The following ROBO1 variants were observed in gnomAD, a reference collection of about 807,000 sequenced individuals.
ROBO1 encodes the protein roundabout guidance receptor 1.
In ROBO1, 149 loss-of-function variants were observed where a neutral mutation model predicts 195.9. The observed-to-expected ratio is 0.76, with a 90% CI of 0.67 to 0.87. The LOEUF (loss-of-function observed/expected upper bound fraction) is 0.87, where lower values mean the gene tolerates loss of function less well. Among genes scored for constraint, ROBO1 ranks in the 40% least tolerant of loss-of-function variants. ROBO1 has a pLI of 0.00. For missense variants in ROBO1, 1,933 were observed against 2,068.3 expected (o/e 0.93, Z 1.27); for synonymous variants, 816 against 733.2 (o/e 1.11, Z -1.82).
chr3:78,751,047 G>A (rs1468312382), intron 4 of ROBO1, among the ~76,000 whole-genome samples: 1 of 152,120 alleles, frequency 6.6e-6, no homozygotes, highest in East Asian at 1.9e-4. Context: ...CAAAAGGCTT[G>A]ACTTATGGCG....
chr3:79,611,612 T>C (rs942718620), intron 1 of ROBO1, among the ~76,000 whole-genome samples: 1 of 152,108 alleles, frequency 6.6e-6, no homozygotes, highest in African/African-American at 2.4e-5. Flanking sequence ...CTGGAAACCA[T>C]CATTCTCAGC....
At chr3:79,293,070 T>C (rs1344257231) in intron 2 of ROBO1, among the ~76,000 whole-genome samples, 1 of 152,222 alleles carries the variant, frequency 6.6e-6, no homozygotes, top group Non-Finnish European at 1.5e-5. Flanking sequence ...TATTGGTCTA[T>C]TCAGGGATTC....
At chr3:78,725,096 A>T (rs2108139346) in intron 5 of ROBO1, among the ~76,000 whole-genome samples, 1 of 152,304 alleles carries the variant, frequency 6.6e-6, no homozygotes, top group South Asian at 2.1e-4. Flanking sequence ...CTATGTCAAA[A>T]ATTCAAGGCA....
At chr3:79,253,882 G>A (rs1297369186) in intron 2 of ROBO1, among the ~76,000 whole-genome samples, 1 of 152,180 alleles carries the variant, frequency 6.6e-6, no homozygotes, top group Non-Finnish European at 1.5e-5. Flanking sequence ...TTAAAGCAAA[G>A]TGTGACTGTA....
At chr3:78,775,825 G>A (rs1365301382) in intron 4 of ROBO1, among the ~76,000 whole-genome samples, 1 of 152,150 alleles carries the variant, frequency 6.6e-6, no homozygotes, top group Non-Finnish European at 1.5e-5. Context: ...TCTCCCAGTT[G>A]CCTTAGCTGT....
At chr3:78,673,566 A>ATT (rs1708206437) in intron 10 of ROBO1, among the ~76,000 whole-genome samples, 1 of 26,292 alleles carries the variant, frequency 3.8e-5, no homozygotes, top group Non-Finnish European at 6.7e-5. Context: ...TATATTTTAT[A>ATT]TATATATATA....
At chr3:79,743,211 C>T (rs779610273) in intron 1 of ROBO1, among the ~76,000 whole-genome samples, 45 of 152,112 alleles carry the variant, frequency 3.0e-4, no homozygotes, top group Non-Finnish European at 4.3e-4. Flanking sequence ...TATAGCCTAC[C>T]GCATAGCTGA....
chr3:79,679,911 T>C (rs1946893523), intron 1 of ROBO1, among the ~76,000 whole-genome samples: 2 of 152,086 alleles, frequency 1.3e-5, no homozygotes, highest in Non-Finnish European at 2.9e-5. Flanking sequence ...TCCAATGTTC[T>C]TGAGTTTAAT....
At chr3:78,751,445 G>A (rs890042739) in intron 4 of ROBO1, among the ~76,000 whole-genome samples, 1 of 152,058 alleles carries the variant, frequency 6.6e-6, no homozygotes. Context: ...TGAATGTATT[G>A]GTTTTGATTC....
chr3:78,917,589 A>G (rs180777544), intron 4 of ROBO1, among the ~76,000 whole-genome samples: 18 of 152,286 alleles, frequency 1.2e-4, no homozygotes, highest in African/African-American at 3.9e-4. Flanking sequence ...CTGAAATTCC[A>G]TCATGAATAA....
chr3:79,654,944 T>A (rs570715323), intron 1 of ROBO1, among the ~76,000 whole-genome samples: 1 of 152,074 alleles, frequency 6.6e-6, no homozygotes, highest in African/African-American at 2.4e-5. Flanking sequence ...TGCCTTAATT[T>A]TTTCCCCTTT....
Position 78,931,792 on chromosome 3 carries a change from C to A in ROBO1, c.499+6809G>T, listed in dbSNP as rs539559933. Among the ~76,000 whole-genome samples the A allele has an allele frequency of 6.8e-4, 104 of 152,084 alleles. 1 individual carries two copies. Among genetic ancestry groups the A allele is most frequent in the Non-Finnish European group, 1.3e-3 (88 of 67,960 alleles). ...ACCAGCCTGGGCAATACAGAGAGAT[C>A]CTGTCTCCACAAAAAGTAAAAACAA... On this transcript the variant is annotated intron_variant, in intron 4 of 30. Transcript: ENST00000464233.
intron 2 of ROBO1, among the ~76,000 whole-genome samples, chr3:79,234,931 T>C (rs1438556614): frequency 6.6e-6 from 1 of 152,100 alleles, no homozygotes; most frequent in African/African-American, 2.4e-5. Flanking sequence ...TCATGCAATA[T>C]ATCCACGTAG....
At chr3:79,295,175 A>G (rs1456059405) in intron 2 of ROBO1, among the ~76,000 whole-genome samples, 1 of 152,188 alleles carries the variant, frequency 6.6e-6, no homozygotes, top group Non-Finnish European at 1.5e-5. Flanking sequence ...ACTATTCACA[A>G]TAGCAAATAC....
chr3:79,098,370 C>G (rs2079609913), intron 3 of ROBO1, among the ~76,000 whole-genome samples: 1 of 151,766 alleles, frequency 6.6e-6, no homozygotes, highest in Non-Finnish European at 1.5e-5. Context: ...TATGTCCAAT[C>G]CTGGGTTCTC....
At chr3:79,270,440 A>G (rs972177937) in intron 2 of ROBO1, among the ~76,000 whole-genome samples, 2 of 122,968 alleles carry the variant, frequency 1.6e-5, no homozygotes, top group African/African-American at 5.6e-5. Flanking sequence ...TGTCAACTTA[A>G]AAAAAAACAA....
At chr3:79,715,327 T>C (rs1702440982) in intron 1 of ROBO1, among the ~76,000 whole-genome samples, 1 of 152,070 alleles carries the variant, frequency 6.6e-6, no homozygotes, top group African/African-American at 2.4e-5. Context: ...GAAGAGCCAA[T>C]CAATGCAGCA....
At chr3:78,666,794 C>T (rs1290595178) in intron 14 of ROBO1, among the ~76,000 whole-genome samples, 2 of 152,190 alleles carry the variant, frequency 1.3e-5, no homozygotes, top group East Asian at 3.8e-4. Flanking sequence ...ACATGGCTGG[C>T]AGACCCCTCT....
At chr3:78,677,747 C>T (rs2107768595) in intron 10 of ROBO1, among the ~76,000 whole-genome samples, 2 of 152,248 alleles carry the variant, frequency 1.3e-5, no homozygotes, top group South Asian at 4.1e-4. Context: ...ACCCCACTGT[C>T]AACATTAGAC....
Sources: allele counts gnomAD v4.1 joint callset (sites outside exome capture counted in the v4.1 genomes callset), GRCh38; gene constraint gnomAD v4.1.1; transcripts MANE v1.5; gene names NCBI Gene and HGNC (gene_info 2026-07-23, HGNC 2026-07-21).